Variants in CACNA2D3 observed in about 807,000 individuals in gnomAD.
CACNA2D3 encodes calcium voltage-gated channel auxiliary subunit alpha2delta 3.
CACNA2D3 carries 60 observed loss-of-function variants against 160.6 expected under a neutral mutation model. The ratio of observed to expected loss-of-function variants is 0.37; its 90% CI spans 0.30 to 0.46. The LOEUF is 0.46. Among genes scored for constraint, CACNA2D3 ranks in the 20% least tolerant of loss-of-function variants. The pLI is 1.00. For synonymous variants in CACNA2D3, 558 were observed against 492.9 expected (o/e 1.13, Z -1.75); for missense variants, 1,205 against 1,365.0 (o/e 0.88, Z 1.85).
At chr3:54,765,610 G>A (rs565206125) in intron 13 of CACNA2D3, among the ~76,000 whole-genome samples, 1 of 152,296 alleles carries the variant, frequency 6.6e-6, no homozygotes, top group South Asian at 2.1e-4. Flanking sequence ...GGAGTGAGGA[G>A]GAGGAGGAGT....
In CACNA2D3 at chr3:55,009,421, G is replaced by A. The variant is rs553928887; in HGVS notation, c.2853G>A (p.Trp951Ter). ...FLVEFNLCSW[W>*]HSDMTAKAQK... ...TGGAATTTAACCTCTGCAGTTGGTG[G>A]CACTCCGATATGACAGCTAAAGGTG... Residue 951 changes from tryptophan to a stop codon, truncating the protein, a stop_gained, in exon 34 of 38, where the codon TGG (tryptophan) becomes TGA (stop). Transcript: ENST00000474759. LOFTEE classifies it high-confidence loss of function. 2 of 1,613,886 alleles carry A rather than the reference G, an allele frequency of 1.2e-6. No homozygotes were observed. The highest frequency in any genetic ancestry group is 1.7e-5 in the Admixed American group (1 of 60,014).
At chr3:54,927,669 G>A (rs180949245) in intron 27 of CACNA2D3, among the ~76,000 whole-genome samples, 399 of 152,190 alleles carry the variant, frequency 2.6e-3, no homozygotes, top group African/African-American at 9.2e-3. Context: ...CTATGAAATG[G>A]CCCGTGACAT....
At chr3:54,598,307 C>CAAAAAAAAAAAAAA (rs10656534) in intron 9 of CACNA2D3, among the ~76,000 whole-genome samples, 21 of 49,836 alleles carry the variant, frequency 4.2e-4, no homozygotes, top group Non-Finnish European at 5.1e-4. Flanking sequence ...CTCCGTCTCA[C>CAAAAAAAAAAAAAA]AAAAAAAAAA....
chr3:55,033,949 T>TG (rs1703759460), intron 35 of CACNA2D3, among the ~76,000 whole-genome samples: 1 of 146,386 alleles, frequency 6.8e-6, no homozygotes, highest in Non-Finnish European at 1.5e-5. Context: ...GATTCCATTT[T>TG]GGGGAATGTT....
At chr3:54,800,674 G>C (rs899461968) in intron 13 of CACNA2D3, among the ~76,000 whole-genome samples, 8 of 152,166 alleles carry the variant, frequency 5.3e-5, no homozygotes, top group Non-Finnish European at 1.0e-4. Flanking sequence ...GCATCTCAAA[G>C]AATGTCTGCC....
intron 11 of CACNA2D3, among the ~76,000 whole-genome samples, chr3:54,694,915 A>G (rs891819099): frequency 6.6e-6 from 1 of 152,252 alleles, no homozygotes; most frequent in East Asian, 1.9e-4. Context: ...AGTAATTTCT[A>G]GCCTTTTTTC....
chr3:54,552,517 C>T (rs577133682), intron 5 of CACNA2D3, among the ~76,000 whole-genome samples: 21 of 152,284 alleles, frequency 1.4e-4, no homozygotes, highest in Middle Eastern at 3.4e-3. Flanking sequence ...TTTACAGGAA[C>T]TTAGCAAACT....
chr3:54,459,614 G>A (rs1223751467), intron 4 of CACNA2D3, among the ~76,000 whole-genome samples: 6 of 151,924 alleles, frequency 3.9e-5, no homozygotes, highest in East Asian at 1.9e-4. Context: ...CTTTCTGATG[G>A]GGTTGTTTGT....
At chr3:54,718,990 C>G (rs1425524227) in intron 11 of CACNA2D3, among the ~76,000 whole-genome samples, 2 of 151,830 alleles carry the variant, frequency 1.3e-5, no homozygotes, top group Non-Finnish European at 2.9e-5. Flanking sequence ...TTATAATGAT[C>G]TTGTGTACAA....
intron 4 of CACNA2D3, among the ~76,000 whole-genome samples, chr3:54,418,763 T>C (rs1296277046): frequency 6.6e-6 from 1 of 152,188 alleles, no homozygotes; most frequent in Non-Finnish European, 1.5e-5. Flanking sequence ...CACAGGCCAG[T>C]TGATCTACAT....
chr3:54,442,005 G>T (rs1274307866), intron 4 of CACNA2D3, among the ~76,000 whole-genome samples: 1 of 152,104 alleles, frequency 6.6e-6, no homozygotes, highest in African/African-American at 2.4e-5. Context: ...GAGGTCTTAC[G>T]ACTGTGTTGC....
At chr3:54,435,314 C>T (rs1455006663) in intron 4 of CACNA2D3, among the ~76,000 whole-genome samples, 3 of 152,176 alleles carry the variant, frequency 2.0e-5, no homozygotes, top group South Asian at 4.1e-4. Context: ...TCTCTCCGAT[C>T]CTGCGTGCCT....
chr3:54,944,816 T>TGG (rs1559640174), intron 27 of CACNA2D3, among the ~76,000 whole-genome samples: 1 of 93,858 alleles, frequency 1.1e-5, no homozygotes, highest in Non-Finnish European at 2.0e-5. Context: ...GAGCTGGGGG[T>TGG]GTGTGTGTGT....
intron 11 of CACNA2D3, among the ~76,000 whole-genome samples, chr3:54,685,934 A>G (rs1036869484): frequency 4.6e-5 from 7 of 152,178 alleles, no homozygotes; most frequent in African/African-American, 1.4e-4. Flanking sequence ...GGCAAGGACA[A>G]CCCTTATGCT....
chr3:54,329,543 C>G (rs7626696), intron 3 of CACNA2D3, among the ~76,000 whole-genome samples: 47,220 of 152,170 alleles, frequency 0.31, 8,031 homozygotes, highest in South Asian at 0.42. Context: ...AATGTGGCAC[C>G]AAGATGTTTG....
At chr3:54,551,169 C>G (rs1702150445) in intron 5 of CACNA2D3, among the ~76,000 whole-genome samples, 1 of 152,158 alleles carries the variant, frequency 6.6e-6, no homozygotes, top group Non-Finnish European at 1.5e-5. Context: ...ATTCCAGGCA[C>G]TTAGACTTCT....
intron 27 of CACNA2D3, among the ~76,000 whole-genome samples, chr3:54,951,008 T>A (rs1701743738): frequency 6.6e-6 from 1 of 152,172 alleles, no homozygotes; most frequent in Admixed American, 6.5e-5. Flanking sequence ...AAATAATCAT[T>A]TGTAATATTC....
At chr3:54,512,987 A>T in intron 5 of CACNA2D3, among the ~76,000 whole-genome samples, 1 of 152,116 alleles carries the variant, frequency 6.6e-6, no homozygotes, top group East Asian at 1.9e-4. Flanking sequence ...CTCCTTATAA[A>T]ACCATCAGAT....
chr3:54,771,135 G>A (rs186835919), intron 13 of CACNA2D3, among the ~76,000 whole-genome samples: 523 of 152,240 alleles, frequency 3.4e-3, no homozygotes, highest in Non-Finnish European at 5.9e-3. Context: ...GGGCAGCTGT[G>A]TACTCCAAGA....
Sources: gnomAD v4.1 joint callset for allele counts (sites outside exome capture counted in the v4.1 genomes callset) on GRCh38, gnomAD v4.1.1 for gene constraint, MANE v1.5 for transcripts, NCBI Gene and HGNC (gene_info 2026-07-23, HGNC 2026-07-21) for gene names.